The following EIF4E3 variants were observed in gnomAD, a reference collection of about 807,000 sequenced individuals.
EIF4E3 encodes the protein eukaryotic translation initiation factor 4E type 3.
Under a neutral mutation model 31.7 loss-of-function variants are expected in EIF4E3, and 26 were observed. The observed-to-expected ratio is 0.82, with a 90% CI of 0.60 to 1.14. The LOEUF (loss-of-function observed/expected upper bound fraction) is 1.14. EIF4E3 is among the 50% of genes most tolerant of loss of function. EIF4E3 has a pLI of 0.00. For synonymous variants in EIF4E3, 128 were observed against 107.7 expected (o/e 1.19, Z -1.17); for missense variants, 304 against 270.9 (o/e 1.12, Z -0.86).
At position 71,682,416 on chromosome 3, in the gene EIF4E3, C is replaced by T. The variant is rs2048935059; in HGVS notation, c.*2266G>A. On this transcript the variant is annotated 3_prime_UTR_variant, in exon 7 of 7. Transcript: ENST00000425534. ...TGCCCCACAAAATATTTCCTTCTAT[C>T]TCAAAACAGTATTAGCTTCTTTAAT... 1 of 152,186 alleles carries T rather than the reference C, an allele frequency of 6.6e-6. No individual in the cohort carries two copies. Among genetic ancestry groups the T allele is most frequent in the East Asian group, 1.9e-4 (1 of 5,192 alleles). The allele number at this position is 152,186 out of a possible 1,614,324, so 9.4% of individuals were successfully genotyped here.
chr3:71,747,088 A>G (rs1015175947), intron 1 of EIF4E3, among the ~76,000 whole-genome samples: 5 of 152,202 alleles, frequency 3.3e-5, no homozygotes, highest in Admixed American at 2.6e-4. Context: ...GATGTTATGA[A>G]CATTTACATG....
chr3:71,676,864 C>A lies in EIF4E3; in HGVS notation c.*7818G>T, dbSNP rs1358718159. ...CGGCTTTAGTGTTTAACCTTCACTTCCATCATTCTTTTCCAGTAAGCATGA... is the reference window on the plus strand; with the variant it reads ...CGGCTTTAGTGTTTAACCTTCACTTACATCATTCTTTTCCAGTAAGCATGA... On this transcript the variant is annotated 3_prime_UTR_variant, in exon 7 of 7. Coordinates refer to ENST00000425534, the MANE Select transcript of EIF4E3 (RefSeq NM_001134651.2). 2 of 152,192 alleles carry A rather than the reference C, an allele frequency of 1.3e-5. No homozygotes were observed. Among genetic ancestry groups the A allele is most frequent in the African/African-American group, 2.4e-5 (1 of 41,446 alleles). 9.4% of individuals were successfully genotyped at this position (152,192 alleles called of 1,614,324 possible).
upstream of EIF4E3, among the ~76,000 whole-genome samples, chr3:71,725,537 C>T (rs953643851): frequency 6.7e-6 from 1 of 149,902 alleles, no homozygotes; most frequent in Non-Finnish European, 1.5e-5. The surrounding 1 kb of genome is among the most constrained non-coding windows in gnomAD (Gnocchi z 6.1). Flanking sequence ...GGGAGCCGCG[C>T]GGAGGGGCCG....
chr3:71,664,488 C>T, the EIF4E3 span, among the ~76,000 whole-genome samples: 1 of 152,114 alleles, frequency 6.6e-6, no homozygotes, highest in Admixed American at 6.5e-5. Flanking sequence ...CACTTCCATC[C>T]TTTGGCCACA....
chr3:71,681,762 T>A lies in EIF4E3; in HGVS notation c.*2920A>T, dbSNP rs1578326840. 6.6e-6 allele frequency: 1 copy of A among 152,220 alleles called. No individual in the cohort carries two copies. Among genetic ancestry groups the A allele is most frequent in the Non-Finnish European group, 1.5e-5 (1 of 68,032 alleles). The allele number at this position is 152,220 out of a possible 1,614,324, so 9.4% of individuals were successfully genotyped here. A position where few individuals can be genotyped will look rare whatever the true frequency, so the allele number is the denominator to read the frequency against. ...TGTATATTATGTCTATAGGACCCAA[T>A]TATACCTAAAGTTTCTAAGCTATAA... On this transcript the variant is annotated 3_prime_UTR_variant, in exon 7 of 7. Coordinates refer to ENST00000425534, the MANE Select transcript of EIF4E3 (RefSeq NM_001134651.2).
chr3:71,663,674 C>T, the EIF4E3 span, among the ~76,000 whole-genome samples: 18 of 152,372 alleles, frequency 1.2e-4, no homozygotes, highest in African/African-American at 4.3e-4. Context: ...GATCACCAAA[C>T]TCTCAGGCCC....
At chr3:71,720,883 C>T (rs1331445209) in intron 1 of EIF4E3, among the ~76,000 whole-genome samples, 1 of 151,992 alleles carries the variant, frequency 6.6e-6, no homozygotes, top group Non-Finnish European at 1.5e-5. Flanking sequence ...TCAAGTTTTC[C>T]CAGGGGAATT....
At chr3:71,718,966 C>T (rs1578369413) in intron 1 of EIF4E3, among the ~76,000 whole-genome samples, 1 of 152,234 alleles carries the variant, frequency 6.6e-6, no homozygotes, top group Non-Finnish European at 1.5e-5. Flanking sequence ...GCCCTTCCAT[C>T]CAGTCTCCTC....
the EIF4E3 span, among the ~76,000 whole-genome samples, chr3:71,661,260 G>A: frequency 9.2e-5 from 14 of 152,138 alleles, no homozygotes; most frequent in Admixed American, 2.6e-4. Flanking sequence ...GTTTCTTTAC[G>A]TTTCTGGAGG....
In EIF4E3 at chr3:71,679,408, T is replaced by G. The variant is rs961097449; in HGVS notation, c.*5274A>C. 1 of 152,224 alleles carries G rather than the reference T, an allele frequency of 6.6e-6. No homozygotes were observed. Among genetic ancestry groups the G allele is most frequent in the Non-Finnish European group, 1.5e-5 (1 of 68,014 alleles). 9.4% of individuals were successfully genotyped at this position (152,224 alleles called of 1,614,324 possible). On this transcript the variant is annotated 3_prime_UTR_variant, in exon 7 of 7. Transcript: ENST00000425534. ...TCGATATTAGAAATTGAAATTTTCA[T>G]AAAGAAATCTTGCATTTCACTAAAT...
the EIF4E3 span, among the ~76,000 whole-genome samples, chr3:71,661,401 C>T: frequency 6.6e-6 from 1 of 152,144 alleles, no homozygotes; most frequent in Non-Finnish European, 1.5e-5. Flanking sequence ...TGTGCAACTG[C>T]TTAGGCCAGT....
intron 1 of EIF4E3, among the ~76,000 whole-genome samples, chr3:71,732,417 T>C (rs1041814048): frequency 3.3e-5 from 5 of 150,530 alleles, no homozygotes; most frequent in African/African-American, 1.2e-4. Flanking sequence ...AAAAAAAAAG[T>C]CCCAACGATG....
rs1380057878 is a variant in EIF4E3 at position 71,680,983 on chromosome 3, CA to C, written c.*3698del. On this transcript the variant is annotated 3_prime_UTR_variant, in exon 7 of 7. Coordinates refer to ENST00000425534, the MANE Select transcript of EIF4E3 (RefSeq NM_001134651.2). ...CCATATTCAGAGTGCTAAAAAAAAT[CA>C]ACTCCTAATTTTCTCTCTTTGGGCA... The C allele has an allele frequency of 6.6e-6, 1 of 152,132 alleles. No individual in the cohort carries two copies. The highest frequency in any genetic ancestry group is 1.5e-5 in the Non-Finnish European group (1 of 68,018). 9.4% of individuals were successfully genotyped at this position (152,132 alleles called of 1,614,324 possible).
chr3:71,667,490 A>G, the EIF4E3 span, among the ~76,000 whole-genome samples: 1 of 152,242 alleles, frequency 6.6e-6, no homozygotes, highest in Admixed American at 6.5e-5. Context: ...ATGATTGTAT[A>G]GTTAGAAAAC....
chr3:71,691,618 G>A (rs2049064781), intron 5 of EIF4E3, among the ~76,000 whole-genome samples: 1 of 152,128 alleles, frequency 6.6e-6, no homozygotes, highest in East Asian at 1.9e-4. Context: ...TTGTACATCT[G>A]GATGCTAGTT....
chr3:71,670,780 C>T (rs1039971502), downstream of EIF4E3, among the ~76,000 whole-genome samples: 5 of 152,136 alleles, frequency 3.3e-5, no homozygotes, highest in African/African-American at 4.8e-5. Context: ...CTGGATAGCA[C>T]GAAAAGAGCC....
rs2049610059 is a variant in EIF4E3 at position 71,725,028 on chromosome 3, G to A, written c.176+164C>T. ...CCGGCGCGGCCCGAAGCTGGCTTCC[G>A]ACCCGGCGGGGCGAGTCCCGGGGTG... On this transcript the variant is annotated intron_variant, in intron 1 of 6. Transcript: ENST00000425534. This position sits in a 1 kb window ranked among gnomAD's most constrained non-coding sequence, Gnocchi z 6.1. Among the ~76,000 whole-genome samples the A allele has an allele frequency of 6.6e-6, 1 of 151,980 alleles. No individual in the cohort carries two copies. Among genetic ancestry groups the A allele is most frequent in the Non-Finnish European group, 1.5e-5 (1 of 67,954 alleles).
intron 2 of EIF4E3, among the ~76,000 whole-genome samples, 169 bp downstream of exon 2, chr3:71,710,243 G>A (rs533191120): frequency 3.6e-4 from 55 of 152,270 alleles, no homozygotes; most frequent in Admixed American, 3.1e-3. Context: ...TGCTCAGCTG[G>A]CCCTGGAGCA....
chr3:71,750,766 GT>G (rs34592388), intron 1 of EIF4E3, among the ~76,000 whole-genome samples: 24,915 of 146,668 alleles, frequency 0.17, 2,370 homozygotes, highest in African/African-American at 0.27. Flanking sequence ...CAAATAATTG[GT>G]TTTTTTTTTT....
Sources: allele counts gnomAD v4.1 joint callset (sites outside exome capture counted in the v4.1 genomes callset), GRCh38; gene constraint gnomAD v4.1.1; non-coding constraint Gnocchi (gnomAD v3.1); transcripts MANE v1.5; gene names NCBI Gene and HGNC (gene_info 2026-07-23, HGNC 2026-07-21).